The following ROR1 variants were observed in gnomAD, a reference collection of about 807,000 sequenced individuals.
The protein encoded by ROR1 is ROR family WNT receptor 1, also known as inactive tyrosine-protein kinase transmembrane receptor ROR1.
In ROR1, 19 loss-of-function variants were observed where a neutral mutation model predicts 78.8. The observed-to-expected ratio is 0.24, with a 90% CI of 0.17 to 0.35. ROR1 has a LOEUF of 0.35. Ranked by LOEUF, ROR1 falls within the 10% of genes least tolerant of loss-of-function variation. ROR1 has a pLI of 1.00. For missense variants in ROR1, 917 were observed against 1,177.8 expected (o/e 0.78, Z 3.24); for synonymous variants, 386 against 433.6 (o/e 0.89, Z 1.36).
At chr1:63,960,153 T>TA (rs1388607880) in intron 1 of ROR1, among the ~76,000 whole-genome samples, 1 of 152,186 alleles carries the variant, frequency 6.6e-6, no homozygotes, top group African/African-American at 2.4e-5. Context: ...CACAACCTCT[T>TA]ACATCTAAAA....
chr1:63,821,771 A>T (rs1644924885), intron 1 of ROR1, among the ~76,000 whole-genome samples: 1 of 152,182 alleles, frequency 6.6e-6, no homozygotes, highest in Admixed American at 6.5e-5. Context: ...AGCCGTGAGG[A>T]TATTTTGGCC....
Position 63,844,271 on chromosome 1 carries a change from G to A in ROR1, c.91+69763G>A, listed in dbSNP as rs369557802. 5.9e-5 allele frequency among the ~76,000 whole-genome samples: 9 copies of A among 152,260 alleles called. No individual in the cohort carries two copies. In the South Asian group the frequency reaches 1.7e-3, roughly 28 times the overall value. On this transcript the variant is annotated intron_variant, in intron 1 of 8. Coordinates refer to ENST00000371079, the MANE Select transcript of ROR1 (RefSeq NM_005012.4). ...CTACATGGTTTTCTGCTGACTCTGT[G>A]TCCCTTTTCACCATGGTTAGTGCCT... is the stretch of plus-strand genomic sequence containing the variant.
At position 64,078,234 on chromosome 1, in the gene ROR1, C is replaced by T. The variant is rs58978332; in HGVS notation, c.482+27518C>T. On this transcript the variant is annotated intron_variant, in intron 4 of 8. Transcript: ENST00000371079. ...CTCTTCCTATCTCTCTGGGAAAGGC[C>T]ATGCAAAGAAAATGGCATGTGAGGG... Among the ~76,000 whole-genome samples the T allele has an allele frequency of 9.1e-3, 1,378 of 152,186 alleles. 23 individuals are homozygous for T. Among genetic ancestry groups the T allele is most frequent in the African/African-American group, 0.032 (1,308 of 41,520 alleles).
At chr1:63,848,510 A>T (rs1645095233) in intron 1 of ROR1, among the ~76,000 whole-genome samples, 1 of 152,208 alleles carries the variant, frequency 6.6e-6, no homozygotes, top group African/African-American at 2.4e-5. Flanking sequence ...TTTAAAGTAA[A>T]TTAATATTTT....
At chr1:63,828,728 C>G (rs1569781004) in intron 1 of ROR1, among the ~76,000 whole-genome samples, 1 of 152,172 alleles carries the variant, frequency 6.6e-6, no homozygotes, top group Admixed American at 6.6e-5. Flanking sequence ...TTACTCTATT[C>G]CCCTGGCACA....
chr1:63,816,884 T>C (rs1644895312), intron 1 of ROR1, among the ~76,000 whole-genome samples: 1 of 152,150 alleles, frequency 6.6e-6, no homozygotes, highest in East Asian at 1.9e-4. Context: ...GCAGAGCAAA[T>C]GGTGGTGATA....
intron 1 of ROR1, among the ~76,000 whole-genome samples, chr1:63,874,020 G>A (rs759919434): frequency 5.3e-5 from 8 of 152,146 alleles, no homozygotes; most frequent in African/African-American, 9.7e-5. Context: ...TGGTCTCGTC[G>A]CTCAGAGAGA....
chr1:63,777,322 TTAGAA>T (rs1437768701), intron 1 of ROR1, among the ~76,000 whole-genome samples: 1 of 152,186 alleles, frequency 6.6e-6, no homozygotes, highest in Admixed American at 6.5e-5. Context: ...GTCTGTACTT[TTAGAA>T]TAGAAGTGTC....
intron 1 of ROR1, among the ~76,000 whole-genome samples, chr1:63,795,757 C>T (rs374921387): frequency 3.9e-5 from 6 of 152,202 alleles, no homozygotes; most frequent in South Asian, 2.1e-4. Flanking sequence ...AATATCTTGC[C>T]GCTACTGGAA....
chr1:64,086,087 C>G (rs1647150461), intron 4 of ROR1, among the ~76,000 whole-genome samples: 1 of 152,164 alleles, frequency 6.6e-6, no homozygotes, highest in Admixed American at 6.5e-5. Context: ...AAATTTCTAC[C>G]CATTCTAAAG....
chr1:63,784,543 CA>C (rs1463895744), intron 1 of ROR1, among the ~76,000 whole-genome samples: 2 of 152,078 alleles, frequency 1.3e-5, no homozygotes, highest in Admixed American at 1.3e-4. Flanking sequence ...AATTTACTTG[CA>C]AAAAGACAGA....
At chr1:63,868,532 C>T (rs926288712) in intron 1 of ROR1, among the ~76,000 whole-genome samples, 1 of 152,196 alleles carries the variant, frequency 6.6e-6, no homozygotes, top group African/African-American at 2.4e-5. Flanking sequence ...TCTTGAACTT[C>T]AGTTTCTAAA....
At chr1:63,891,653 G>A (rs925464047) in intron 1 of ROR1, among the ~76,000 whole-genome samples, 14 of 152,244 alleles carry the variant, frequency 9.2e-5, no homozygotes, top group African/African-American at 3.1e-4. Flanking sequence ...AGATATTCAT[G>A]CCTCGAGTAT....
At chr1:64,159,571 C>A (rs959520657) in intron 8 of ROR1, among the ~76,000 whole-genome samples, 1 of 152,124 alleles carries the variant, frequency 6.6e-6, no homozygotes, top group Non-Finnish European at 1.5e-5. Flanking sequence ...TCATTGTTCA[C>A]AAACTTCACT....
At chr1:64,142,362 C>T (rs1557671786) in intron 6 of ROR1, 43 bp from the exon 7 acceptor site, 1 of 1,609,230 alleles carries the variant, frequency 6.2e-7, no homozygotes, top group South Asian at 1.1e-5. Context: ...CCAGCATCTC[C>T]TATGTTTCTT....
At chr1:64,082,025 C>T (rs1408628840) in intron 4 of ROR1, among the ~76,000 whole-genome samples, 1 of 152,066 alleles carries the variant, frequency 6.6e-6, no homozygotes, top group Non-Finnish European at 1.5e-5. Context: ...GATTGAGAAA[C>T]ACTGATTTAC....
chr1:63,965,505 C>G (rs1274994357), intron 1 of ROR1, among the ~76,000 whole-genome samples: 1 of 152,156 alleles, frequency 6.6e-6, no homozygotes, highest in Non-Finnish European at 1.5e-5. Context: ...TCTTAGCAAA[C>G]TGACCACAAT....
intron 1 of ROR1, among the ~76,000 whole-genome samples, chr1:63,905,020 TC>T (rs1215999018): frequency 6.6e-6 from 1 of 152,024 alleles, no homozygotes; most frequent in Non-Finnish European, 1.5e-5. Context: ...TCCTCATCCT[TC>T]CTGTTGTTAA....
At chr1:64,007,514 A>G (rs1159448175) in intron 1 of ROR1, among the ~76,000 whole-genome samples, 3 of 152,192 alleles carry the variant, frequency 2.0e-5, no homozygotes, top group Non-Finnish European at 2.9e-5. Context: ...TTTGTATATT[A>G]CAGTCTATTA....
Sources: gnomAD v4.1 joint callset for allele counts (sites outside exome capture counted in the v4.1 genomes callset) on GRCh38, gnomAD v4.1.1 for gene constraint, MANE v1.5 for transcripts, NCBI Gene and HGNC (gene_info 2026-07-23, HGNC 2026-07-21) for gene names.